The following IMMP2L variants were observed in gnomAD, a reference collection of about 807,000 sequenced individuals.
The protein encoded by IMMP2L is mitochondrial inner membrane protease subunit 2.
In IMMP2L, 18 loss-of-function variants were observed where a neutral mutation model predicts 19.3. That is an observed-to-expected ratio of 0.93 (90% confidence interval 0.64 to 1.38). The LOEUF (loss-of-function observed/expected upper bound fraction) is 1.38, where lower values mean the gene tolerates loss of function less well. Among genes scored for constraint, IMMP2L ranks in the 40% most tolerant of loss-of-function variants. The pLI is 0.00. For synonymous variants in IMMP2L, 76 were observed against 73.0 expected (o/e 1.04, Z -0.21); for missense variants, 233 against 218.2 (o/e 1.07, Z -0.43).
rs1261056239 is a variant in IMMP2L, at chr7:110,758,218, T to C, written c.409-94497A>G. Among the ~76,000 whole-genome samples the C allele has an allele frequency of 1.3e-5, 2 of 152,032 alleles. No homozygotes were observed. The highest frequency in any genetic ancestry group is 4.8e-5 in the African/African-American group (2 of 41,418). ...TATTAACACTGAGAAGACTGGTTTC[T>C]GTACAGTGATGTGGGTGAAAATCTG... On this transcript the variant is annotated intron_variant, in intron 5 of 5. Coordinates refer to ENST00000405709, the MANE Select transcript of IMMP2L (RefSeq NM_032549.4). The surrounding 1 kb of genome is among the most constrained non-coding windows in gnomAD (Gnocchi z 4.6).
At chr7:110,976,180 G>C (rs1365090319) in intron 3 of IMMP2L, among the ~76,000 whole-genome samples, 6 of 151,880 alleles carry the variant, frequency 4.0e-5, no homozygotes, top group Non-Finnish European at 8.8e-5. Context: ...GATTCTATAA[G>C]TAGACCATAA....
intron 3 of IMMP2L, among the ~76,000 whole-genome samples, chr7:111,380,668 A>C (rs1831112917): frequency 6.6e-6 from 1 of 152,054 alleles, no homozygotes; most frequent in South Asian, 2.1e-4. Context: ...TAGCTTGTCC[A>C]GCTATTGAAT....
At chr7:111,145,235 T>C (rs1803339503) in intron 3 of IMMP2L, among the ~76,000 whole-genome samples, 1 of 152,138 alleles carries the variant, frequency 6.6e-6, no homozygotes. Flanking sequence ...AAGAAGCAGC[T>C]TTGTGAACAT....
chr7:110,917,209 G>A (rs1813707461), intron 4 of IMMP2L, among the ~76,000 whole-genome samples: 1 of 152,178 alleles, frequency 6.6e-6, no homozygotes, highest in Admixed American at 6.6e-5. Context: ...AGCTGGAGGA[G>A]GCAAGGAAGG....
intron 3 of IMMP2L, among the ~76,000 whole-genome samples, chr7:111,127,936 T>C (rs1356277626): frequency 6.6e-6 from 1 of 152,010 alleles, no homozygotes; most frequent in Non-Finnish European, 1.5e-5. Flanking sequence ...CAAAACAAAA[T>C]ATGTATTTTA....
chr7:110,813,849 T>C (rs1447315571), intron 5 of IMMP2L, among the ~76,000 whole-genome samples: 7 of 151,996 alleles, frequency 4.6e-5, no homozygotes, highest in Admixed American at 4.6e-4. Context: ...GTGCATTTTT[T>C]GCCTGAGTTT....
intron 5 of IMMP2L, among the ~76,000 whole-genome samples, chr7:110,703,252 A>C (rs1256079943): frequency 6.6e-6 from 1 of 152,180 alleles, no homozygotes; most frequent in Non-Finnish European, 1.5e-5. Context: ...TTTGAAAGTT[A>C]AACACCCTTG....
chr7:110,950,067 C>T (rs531937894), intron 4 of IMMP2L, among the ~76,000 whole-genome samples: 2 of 152,136 alleles, frequency 1.3e-5, no homozygotes, highest in Non-Finnish European at 1.5e-5. Flanking sequence ...TATTTCACTA[C>T]GTTTCTTTCT....
intron 3 of IMMP2L, among the ~76,000 whole-genome samples, chr7:111,382,862 T>A (rs1831339383): frequency 6.6e-6 from 1 of 152,102 alleles, no homozygotes; most frequent in East Asian, 1.9e-4. Context: ...ACTCAGGTTA[T>A]ACAGTAATTA....
At chr7:110,957,294 G>T (rs1258903254) in intron 4 of IMMP2L, among the ~76,000 whole-genome samples, 2 of 151,884 alleles carry the variant, frequency 1.3e-5, no homozygotes, top group Non-Finnish European at 2.9e-5. Context: ...AAATGACTGT[G>T]ACTATAAATA....
chr7:110,970,482 T>G (rs1820034848), intron 3 of IMMP2L, among the ~76,000 whole-genome samples: 1 of 152,126 alleles, frequency 6.6e-6, no homozygotes, highest in African/African-American at 2.4e-5. Context: ...TTAAAGGAAC[T>G]TTAAAAAGGA....
chr7:111,159,201 C>T (rs1369928465), intron 3 of IMMP2L, among the ~76,000 whole-genome samples: 3 of 152,112 alleles, frequency 2.0e-5, no homozygotes, highest in East Asian at 3.9e-4. Flanking sequence ...CTGCAACCTC[C>T]GCCTCCCAGA....
chr7:110,700,242 G>A (rs1363107633), intron 5 of IMMP2L, among the ~76,000 whole-genome samples: 1 of 152,106 alleles, frequency 6.6e-6, no homozygotes, highest in Non-Finnish European at 1.5e-5. Flanking sequence ...AGCCTCCCTT[G>A]CTTTCACCTG....
intron 3 of IMMP2L, among the ~76,000 whole-genome samples, chr7:111,317,462 C>T (rs961865553): frequency 3.9e-5 from 6 of 152,098 alleles, no homozygotes; most frequent in East Asian, 3.9e-4. Flanking sequence ...ACCTGACTCT[C>T]TGGAAATTGA....
At chr7:111,124,624 C>T (rs1287140958) in intron 3 of IMMP2L, 51 of 1,613,696 alleles carry the variant, frequency 3.2e-5, no homozygotes, top group Non-Finnish European at 1.7e-6. Context: ...GCACCCTGAT[C>T]AAAAAGAGTA....
chr7:110,989,533 A>G (rs1822233559), intron 3 of IMMP2L, among the ~76,000 whole-genome samples: 1 of 136,804 alleles, frequency 7.3e-6, no homozygotes, highest in Non-Finnish European at 1.7e-5. Flanking sequence ...CTGTCTCCCA[A>G]AAAAAAAAAA....
At chr7:111,463,138 A>G (rs1394977434) in intron 3 of IMMP2L, among the ~76,000 whole-genome samples, 1 of 151,926 alleles carries the variant, frequency 6.6e-6, no homozygotes, top group Non-Finnish European at 1.5e-5. Flanking sequence ...TGACTTGCAC[A>G]TGGCCATCTT....
At chr7:111,122,706 T>C (rs1052816053) in intron 3 of IMMP2L, 35 of 1,235,214 alleles carry the variant, frequency 2.8e-5, no homozygotes, top group Non-Finnish European at 3.3e-5. Context: ...TCAGCTCCTA[T>C]TGAACTTACT....
chr7:111,391,565 A>G (rs1832352842), intron 3 of IMMP2L, among the ~76,000 whole-genome samples: 1 of 152,152 alleles, frequency 6.6e-6, no homozygotes, highest in Non-Finnish European at 1.5e-5. Flanking sequence ...GGACAGTTAC[A>G]GAAAAAATAA....
Sources: gnomAD v4.1 joint callset for allele counts (sites outside exome capture counted in the v4.1 genomes callset) on GRCh38, gnomAD v4.1.1 for gene constraint, Gnocchi (gnomAD v3.1) non-coding constraint, MANE v1.5 for transcripts, NCBI Gene and HGNC (gene_info 2026-07-23, HGNC 2026-07-21) for gene names.